The following MRTFB variants were observed in gnomAD, a reference collection of about 807,000 sequenced individuals.
The protein encoded by MRTFB is myocardin-related transcription factor B.
Under a neutral mutation model 104.2 loss-of-function variants are expected in MRTFB, and 29 were observed. The ratio of observed to expected loss-of-function variants is 0.28; its 90% CI spans 0.21 to 0.38. The LOEUF is 0.38. Among genes scored for constraint, MRTFB ranks in the 10% least tolerant of loss-of-function variants. The pLI is 1.00. For missense variants in MRTFB, 1,270 were observed against 1,341.6 expected (o/e 0.95, Z 0.83); for synonymous variants, 535 against 519.5 (o/e 1.03, Z -0.41).
the MRTFB span, chr16:14,015,907 G>A: frequency 2.5e-6 from 1 of 398,566 alleles, no homozygotes; most frequent in Non-Finnish European, 4.4e-6. Flanking sequence ...TTTCTCTCCG[G>A]GTCTCCTCCA....
At chr16:14,116,284 T>C (rs994658829) in intron 2 of MRTFB, among the ~76,000 whole-genome samples, 9 of 152,118 alleles carry the variant, frequency 5.9e-5, no homozygotes, top group Non-Finnish European at 1.3e-4. Flanking sequence ...CTTTTCTAAC[T>C]CATCTATTTT....
At chr16:14,204,096 C>G (rs2040837653) in intron 3 of MRTFB, among the ~76,000 whole-genome samples, 1 of 152,048 alleles carries the variant, frequency 6.6e-6, no homozygotes, top group South Asian at 2.1e-4. Flanking sequence ...TCCCAAGTAG[C>G]TGGGACTACA....
chr16:14,074,515 A>C (rs925998970), intron 1 of MRTFB, among the ~76,000 whole-genome samples: 3 of 152,190 alleles, frequency 2.0e-5, no homozygotes, highest in Admixed American at 1.3e-4. Context: ...ATTTGTAATT[A>C]AGGTGTTTCA....
intron 8 of MRTFB, among the ~76,000 whole-genome samples, chr16:14,220,293 AAC>A (rs2151221468): frequency 6.6e-6 from 1 of 152,338 alleles, no homozygotes; most frequent in Non-Finnish European, 1.5e-5. Flanking sequence ...ACCATTAACA[AAC>A]AGTTACACTT....
intron 8 of MRTFB, among the ~76,000 whole-genome samples, chr16:14,220,395 A>G (rs2041637172): frequency 6.6e-6 from 1 of 152,252 alleles, no homozygotes. Context: ...TTAGTAATAC[A>G]GAATGTGTCA....
At chr16:14,028,365 T>C in the MRTFB span, among the ~76,000 whole-genome samples, 1 of 152,138 alleles carries the variant, frequency 6.6e-6, no homozygotes, top group Non-Finnish European at 1.5e-5. Context: ...CTTAGGCTCC[T>C]GGATGGGCAG....
chr16:14,004,329 A>G, the MRTFB span, among the ~76,000 whole-genome samples: 1 of 152,314 alleles, frequency 6.6e-6, no homozygotes, highest in African/African-American at 2.4e-5. Flanking sequence ...CAGGTTAATC[A>G]GGGTCAGGCA....
At chr16:14,139,488 AAC>A (rs889244209) in intron 2 of MRTFB, among the ~76,000 whole-genome samples, 3 of 152,222 alleles carry the variant, frequency 2.0e-5, no homozygotes, top group African/African-American at 7.2e-5. Context: ...CACTTTAGAA[AAC>A]AGTTTGTCAG....
At chr16:14,186,878 C>A in intron 3 of MRTFB, 1 of 1,597,744 alleles carries the variant, frequency 6.3e-7, no homozygotes, top group South Asian at 1.1e-5. Flanking sequence ...AAGCTTTTCT[C>A]CTGCTTGATG....
Position 14,159,030 on chromosome 16 carries a change from A to G in MRTFB, c.154+18270A>G, listed in dbSNP as rs1005157370. Among the ~76,000 whole-genome samples the G allele has an allele frequency of 9.9e-5, 15 of 151,724 alleles. 1 individual carries two copies. Among genetic ancestry groups the G allele is most frequent in the Admixed American group, 9.8e-4 (15 of 15,232 alleles). On this transcript the variant is annotated intron_variant, in intron 3 of 16. Transcript: ENST00000571589. ...GTGACTTATGCCTGTGGTCCCAGCT[A>G]CTTAGGAGGCTGAGGAGGGAGAACT...
At chr16:14,089,722 T>C (rs866434853) in intron 2 of MRTFB, among the ~76,000 whole-genome samples, 2 of 152,196 alleles carry the variant, frequency 1.3e-5, no homozygotes. Context: ...TCCAAAGTGC[T>C]TTTGTGTGAA....
chr16:14,023,192 A>G, the MRTFB span, among the ~76,000 whole-genome samples: 3 of 152,204 alleles, frequency 2.0e-5, no homozygotes, highest in South Asian at 4.2e-4. Flanking sequence ...TAACCCCAGC[A>G]CTTTAGGAGG....
At chr16:14,172,718 T>C (rs72785416) in intron 3 of MRTFB, among the ~76,000 whole-genome samples, 8,666 of 152,230 alleles carry the variant, frequency 0.057, 507 homozygotes, top group East Asian at 0.31. Context: ...TACCATCTAA[T>C]GTTTGGTGTA....
intron 3 of MRTFB, among the ~76,000 whole-genome samples, chr16:14,206,039 A>G (rs762506439): frequency 5.0e-5 from 5 of 99,434 alleles, no homozygotes; most frequent in Non-Finnish European, 8.0e-5. Flanking sequence ...GCTGAGTGAC[A>G]TTCAGTGGTC....
At chr16:14,157,743 C>G (rs752250510) in intron 3 of MRTFB, among the ~76,000 whole-genome samples, 1 of 152,136 alleles carries the variant, frequency 6.6e-6, no homozygotes, top group Non-Finnish European at 1.5e-5. Flanking sequence ...TCCAAGTGAC[C>G]TGCTGATGCT....
In MRTFB at chr16:14,261,587, T is replaced by G. The variant is rs2043781736; in HGVS notation, c.*143T>G. The G allele has an allele frequency of 1.2e-6, 1 of 823,218 alleles. No individual in the cohort carries two copies. The highest frequency in any genetic ancestry group is 2.1e-5 in the South Asian group (1 of 47,686). The allele number at this position is 823,218 out of a possible 1,614,324, so 51.0% of individuals were successfully genotyped here. A position where few individuals can be genotyped will look rare whatever the true frequency, so the allele number is the denominator to read the frequency against. ...AAAGAATAGGTGGAAGGTCATAGCC[T>G]GGAACCCAAGTTTGAAAACATTTCA... On this transcript the variant is annotated 3_prime_UTR_variant, in exon 17 of 17. Transcript: ENST00000571589.
chr16:14,061,102 C>A, the MRTFB span, among the ~76,000 whole-genome samples: 1 of 151,808 alleles, frequency 6.6e-6, no homozygotes, highest in South Asian at 2.1e-4. Context: ...GCCAAGATGG[C>A]GCCACTGCAC....
At chr16:14,011,567 T>G in the MRTFB span, among the ~76,000 whole-genome samples, 12 of 152,318 alleles carry the variant, frequency 7.9e-5, no homozygotes, top group South Asian at 2.5e-3. Context: ...CCTAAATTAA[T>G]AAGAGCACAG....
Position 14,248,903 on chromosome 16 carries a change from G to GT in MRTFB, c.2248-16dup, listed in dbSNP as rs1567217980. On this transcript the variant is annotated intron_variant, in intron 12 of 16. Transcript: ENST00000571589. ...CTTTGATTCTGACAATTAAATTGAT[G>GT]TTTTTTTCAATTCACCTCCTAGACT... The GT allele has an allele frequency of 3.7e-6, 6 of 1,608,542 alleles. No individual in the cohort carries two copies. In the South Asian group the frequency reaches 4.4e-5, roughly 12 times the overall value.
Sources: gnomAD v4.1 joint callset for allele counts (sites outside exome capture counted in the v4.1 genomes callset) on GRCh38, gnomAD v4.1.1 for gene constraint, MANE v1.5 for transcripts, NCBI Gene and HGNC (gene_info 2026-07-23, HGNC 2026-07-21) for gene names.